CHD1: variants seen among roughly 807,000 people sequenced by gnomAD.
CHD1 encodes the protein ATP-dependent chromatin remodeler CHD1.
A neutral mutation model predicts 224.2 loss-of-function variants in CHD1; 36 were observed. That is an observed-to-expected ratio of 0.16 (90% CI 0.12 to 0.21). The LOEUF is 0.21. Among genes scored for constraint, CHD1 ranks in the 10% least tolerant of loss-of-function variants. The probability of loss-of-function intolerance (pLI) is 1.00; values close to 1 mark genes in which losing one functional copy is unlikely to be tolerated. For missense variants in CHD1, 1,378 were observed against 1,994.8 expected (o/e 0.69, Z 5.89); for synonymous variants, 668 against 658.3 (o/e 1.01, Z -0.23).
chr5:98,858,527 TAG>T (rs1748218085), intron 34 of CHD1, 137 bp from the exon 35 acceptor site: 4 of 658,412 alleles, frequency 6.1e-6, no homozygotes, highest in Admixed American at 5.5e-5. Context: ...TTAAAGCATT[TAG>T]AAATGGTGTA....
At chr5:98,890,774 A>C (rs1487951395) in intron 15 of CHD1, among the ~76,000 whole-genome samples, 1 of 152,208 alleles carries the variant, frequency 6.6e-6, no homozygotes, top group African/African-American at 2.4e-5. Flanking sequence ...GGAAATACAG[A>C]GGATACTGTT....
At chr5:98,884,397 G>C (rs1370755795) in intron 18 of CHD1, among the ~76,000 whole-genome samples, 4 of 152,062 alleles carry the variant, frequency 2.6e-5, no homozygotes, top group Non-Finnish European at 5.9e-5. Context: ...TCTGAGTGAA[G>C]TAACTCAGGA....
At chr5:98,919,935 C>T (rs1261935005) in intron 2 of CHD1, among the ~76,000 whole-genome samples, 1 of 152,128 alleles carries the variant, frequency 6.6e-6, no homozygotes, top group Non-Finnish European at 1.5e-5. Context: ...GGAACCAAGG[C>T]TCCTTGGAGA....
At chr5:98,874,987 G>T in intron 25 of CHD1, 85 bp downstream of exon 25, 1 of 731,014 alleles carries the variant, frequency 1.4e-6, no homozygotes, top group Non-Finnish European at 2.3e-6. Context: ...TAACAAAGTA[G>T]CTAAACTGAA....
At chr5:98,901,520 T>A (rs558100981) in intron 5 of CHD1, among the ~76,000 whole-genome samples, 185 bp from the exon 6 acceptor site, 65 of 152,276 alleles carry the variant, frequency 4.3e-4, no homozygotes, top group Non-Finnish European at 8.4e-4. Context: ...TAGACTTCTC[T>A]CACAACTCTA....
intron 22 of CHD1, among the ~76,000 whole-genome samples, chr5:98,880,615 T>C (rs529516577): frequency 1.8e-4 from 28 of 152,316 alleles, no homozygotes; most frequent in African/African-American, 2.9e-4. Flanking sequence ...TTTCAACTCA[T>C]TGACCCTCAA....
intron 17 of CHD1, chr5:98,885,969 C>G: frequency 4.4e-6 from 1 of 226,116 alleles, no homozygotes; most frequent in Non-Finnish European, 8.6e-6. Context: ...ACATGATATA[C>G]TATGTTATAC....
At chr5:98,894,136 T>G (rs1439106124) in intron 13 of CHD1, among the ~76,000 whole-genome samples, 2 of 152,232 alleles carry the variant, frequency 1.3e-5, no homozygotes, top group Admixed American at 1.3e-4. Flanking sequence ...TTTTTGAGAC[T>G]GATTTTCTTT....
Position 98,904,899 on chromosome 5 carries a change from C to T in CHD1, c.253G>A (p.Glu85Lys). The stretch of plus-strand genomic sequence containing the variant: ...TCATTGGGTATTTTATTGATTACCT[C>T]AGCTCCATCAACTTTCGGTGGTTTT... ...QAKPPKVDGA[E>K]FWKSSPSILA... The change falls in exon 3 of 36, where the codon GAG (glutamate) becomes AAG (lysine). Residue 85 changes from glutamate (E) to lysine (K), a missense_variant and splice_region_variant. Glu to Lys is a moderately conservative substitution (Grantham distance 56, BLOSUM62 1). This residue lies in a region of CHD1 where 306 missense variants were observed against 298.1 expected (regional missense o/e 1.03). Coordinates refer to ENST00000614616, the MANE Select transcript of CHD1 (RefSeq NM_001270.4). 1 of 1,613,914 alleles carries T rather than the reference C, an allele frequency of 6.2e-7. No homozygotes were observed. The highest frequency in any genetic ancestry group is 8.5e-7 in the Non-Finnish European group (1 of 1,179,808).
chr5:98,870,355 T>A (rs79762735), intron 29 of CHD1, among the ~76,000 whole-genome samples: 2 of 152,228 alleles, frequency 1.3e-5, no homozygotes, highest in African/African-American at 4.8e-5. Context: ...AGCATTCTAA[T>A]GACTCCAAGT....
intron 31 of CHD1, 74 bp from the exon 32 acceptor site, chr5:98,863,660 T>C: frequency 1.0e-6 from 1 of 966,510 alleles, no homozygotes; most frequent in Non-Finnish European, 1.5e-6. Flanking sequence ...CCTCCTTCAA[T>C]GATATTTACA....
At chr5:98,905,228 AAAAG>A in intron 2 of CHD1, 130 bp from the exon 3 acceptor site, 6 of 1,044,842 alleles carry the variant, frequency 5.7e-6, no homozygotes, top group East Asian at 2.6e-5. Context: ...TTGGCCAAAA[AAAAG>A]AAAAAGGAAT....
chr5:98,893,571 A>T lies in CHD1; in HGVS notation c.1836T>A (p.Gly612=). 6.2e-7 allele frequency: 1 copy of T among 1,607,718 alleles called. No individual in the cohort carries two copies. Among genetic ancestry groups the T allele is most frequent in the Non-Finnish European group, 8.5e-7 (1 of 1,177,286 alleles). The change falls in exon 14 of 36, where the codon GGT becomes GGA. Residue 612 remains glycine, a synonymous_variant. Coordinates refer to ENST00000614616, the MANE Select transcript of CHD1 (RefSeq NM_001270.4). ...FLGGLNWAFI[G]VDEAHRLKND... ...TCTTTAATCGGTGTGCTTCATCAAC[A>T]CCTATAAATGCCCAATTTAGACCTC...
At chr5:98,905,148 T>C in intron 2 of CHD1, 50 bp from the exon 3 acceptor site, 1 of 1,605,282 alleles carries the variant, frequency 6.2e-7, no homozygotes, top group African/African-American at 1.3e-5. Context: ...AGGAATTTAA[T>C]TTTTCTTAGA....
chr5:98,910,858 C>A (rs182860569), intron 2 of CHD1, among the ~76,000 whole-genome samples: 197 of 151,784 alleles, frequency 1.3e-3, no homozygotes, highest in African/African-American at 4.7e-3. Flanking sequence ...GTTTTCAGTT[C>A]TCTGATTCTA....
At chr5:98,899,786 GA>G in intron 7 of CHD1, 81 bp from the exon 8 acceptor site, 1 of 938,058 alleles carries the variant, frequency 1.1e-6, no homozygotes, top group Admixed American at 2.2e-5. Flanking sequence ...TCAATAATAT[GA>G]GTACAAAAAT....
At chr5:98,908,651 C>A (rs1752199702) in intron 2 of CHD1, among the ~76,000 whole-genome samples, 1 of 152,002 alleles carries the variant, frequency 6.6e-6, no homozygotes, top group Non-Finnish European at 1.5e-5. Flanking sequence ...AGGTAATAAC[C>A]AGTATTACTA....
chr5:98,923,056 G>GA (rs760945161), intron 2 of CHD1, among the ~76,000 whole-genome samples: 8 of 151,792 alleles, frequency 5.3e-5, no homozygotes, highest in South Asian at 2.1e-4. Flanking sequence ...TTTTTTGCAA[G>GA]AAAATCCCTC....
At chr5:98,907,460 T>A (rs1752115945) in intron 2 of CHD1, among the ~76,000 whole-genome samples, 1 of 151,934 alleles carries the variant, frequency 6.6e-6, no homozygotes, top group Admixed American at 6.6e-5. Context: ...TGGTGGCGCA[T>A]GCCTGTGATC....
Sources: gnomAD v4.1 joint callset for allele counts (sites outside exome capture counted in the v4.1 genomes callset) on GRCh38, gnomAD v4.1.1 for gene constraint, gnomAD v4.1.1 regional missense constraint, MANE v1.5 for transcripts, NCBI Gene and HGNC (gene_info 2026-07-23, HGNC 2026-07-21) for gene names.